The following FCMR variants were observed in gnomAD, a reference collection of about 807,000 sequenced individuals.
The protein encoded by FCMR is Fc mu receptor.
FCMR carries 34 observed loss-of-function variants against 41.6 expected under a neutral mutation model. The observed-to-expected ratio is 0.82, with a 90% CI of 0.62 to 1.09. The LOEUF (loss-of-function observed/expected upper bound fraction) is 1.09. Among genes scored for constraint, FCMR ranks in the 50% least tolerant of loss-of-function variants. FCMR has a pLI of 0.00. For missense variants in FCMR, 496 were observed against 512.5 expected (o/e 0.97, Z 0.31); for synonymous variants, 209 against 211.8 (o/e 0.99, Z 0.12).
chr1:206,903,899 A>T lies in FCMR; in HGVS notation c.*1120T>A, dbSNP rs1678503411. 1 of 152,408 alleles carries T rather than the reference A, an allele frequency of 6.6e-6. No individual in the cohort carries two copies. Among genetic ancestry groups the T allele is most frequent in the Admixed American group, 6.5e-5 (1 of 15,284 alleles). 9.4% of individuals were successfully genotyped at this position (152,408 alleles called of 1,614,324 possible). Reference sequence around the variant, plus strand: ...GACTTTCTTCTCTATTTCTGGATGAATGCCCAGTGAGACTGTGTTGTACAG... The same window carrying T: ...GACTTTCTTCTCTATTTCTGGATGATTGCCCAGTGAGACTGTGTTGTACAG... On this transcript the variant is annotated 3_prime_UTR_variant, in exon 8 of 8. Transcript: ENST00000367091.
intron 2 of FCMR, 99 bp from the exon 3 acceptor site, chr1:206,913,141 G>C (rs1204816269): frequency 3.3e-6 from 3 of 896,884 alleles, no homozygotes; most frequent in Non-Finnish European, 5.6e-6. Flanking sequence ...GACAGTGAGG[G>C]GATGAGGGCA....
At position 206,904,615 on chromosome 1, in the gene FCMR, C is replaced by G. The variant is rs553205901; in HGVS notation, c.*404G>C. On this transcript the variant is annotated 3_prime_UTR_variant, in exon 8 of 8. Transcript: ENST00000367091. The stretch of plus-strand genomic sequence containing the variant: ...CCTTCTATTTGTGTAAGACCCAACC[C>G]TGGGAAGGATGCCCGAGACAATAGC... The G allele has an allele frequency of 8.5e-5, 19 of 224,592 alleles. No homozygotes were observed. The highest frequency in any genetic ancestry group is 1.4e-4 in the Non-Finnish European group (15 of 110,708). 13.9% of individuals were successfully genotyped at this position (224,592 alleles called of 1,614,324 possible). A position where few individuals can be genotyped will look rare whatever the true frequency, so the allele number is the denominator to read the frequency against.
chr1:206,912,899 C>T, intron 3 of FCMR, 30 bp downstream of exon 3: 1 of 1,436,504 alleles, frequency 7.0e-7, no homozygotes, highest in Non-Finnish European at 9.8e-7. Flanking sequence ...ATCTCACCCA[C>T]CTCTCCTACC....
chr1:206,909,930 C>G lies in FCMR; in HGVS notation c.842-62G>C. The G allele has an allele frequency of 7.3e-7, 1 of 1,364,458 alleles. No individual in the cohort carries two copies. The highest frequency in any genetic ancestry group is 9.4e-7 in the Non-Finnish European group (1 of 1,059,502). 84.5% of individuals were successfully genotyped at this position (1,364,458 alleles called of 1,614,324 possible). A position where few individuals can be genotyped will look rare whatever the true frequency, so the allele number is the denominator to read the frequency against. On this transcript the variant is annotated intron_variant, in intron 5 of 7. Coordinates refer to ENST00000367091, the MANE Select transcript of FCMR (RefSeq NM_005449.5). The surrounding 1 kb of genome is among the most constrained non-coding windows in gnomAD (Gnocchi z 5.0). Reference sequence around the variant, plus strand: ...GCATCAGAGGCCCGTGCCACCCTCCCCAAACGAAAGGCTGCCTCCTCCCTC... The same window carrying G: ...GCATCAGAGGCCCGTGCCACCCTCCGCAAACGAAAGGCTGCCTCCTCCCTC...
intron 1 of FCMR, among the ~76,000 whole-genome samples, chr1:206,916,851 G>A (rs1308327075): frequency 2.0e-5 from 3 of 152,208 alleles, no homozygotes; most frequent in African/African-American, 7.2e-5. Context: ...TCTAGGGCAT[G>A]GTCTAGAAAT....
At chr1:206,914,832 G>A (rs747894131) in intron 1 of FCMR, among the ~76,000 whole-genome samples, 5 of 151,928 alleles carry the variant, frequency 3.3e-5, no homozygotes, top group East Asian at 3.9e-4. Flanking sequence ...ATGCCTTAGC[G>A]TTACCTTAAT....
chr1:206,915,895 T>A (rs116296633), intron 1 of FCMR, among the ~76,000 whole-genome samples: 282 of 146,134 alleles, frequency 1.9e-3, no homozygotes, highest in African/African-American at 6.8e-3. Context: ...AGGAAAGAGG[T>A]GGGGCTTGAG....
At chr1:206,916,745 C>T (rs566615334) in intron 1 of FCMR, among the ~76,000 whole-genome samples, 11 of 152,346 alleles carry the variant, frequency 7.2e-5, no homozygotes, top group Non-Finnish European at 1.2e-4. Flanking sequence ...CTGGTTTAGA[C>T]ATCTAAAGTA....
intron 7 of FCMR, among the ~76,000 whole-genome samples, chr1:206,906,762 G>A (rs1417627651): frequency 2.6e-5 from 4 of 151,890 alleles, no homozygotes; most frequent in African/African-American, 9.7e-5. Context: ...GCCCAGGTGA[G>A]GGTCTGTGTG....
intron 1 of FCMR, among the ~76,000 whole-genome samples, chr1:206,915,808 G>A (rs552128623): frequency 1.3e-5 from 2 of 152,252 alleles, no homozygotes; most frequent in East Asian, 1.9e-4. Flanking sequence ...ATTTGCAAAC[G>A]TACTGAGATT....
At chr1:206,910,095 A>G in intron 5 of FCMR, 115 bp downstream of exon 5, 1 of 1,272,006 alleles carries the variant, frequency 7.9e-7, no homozygotes, top group Non-Finnish European at 1.1e-6. Context: ...ACTTCCCTAC[A>G]CCCCAGGCTG....
rs1678542855 is a variant in FCMR, at chr1:206,904,699, T to A, written c.*320A>T. Reference sequence around the variant, plus strand: ...TAGAGCCTGGGCAGCAACAACCCTGTGGTCAAAGACATGGAAGAAACACTC... The same window carrying A: ...TAGAGCCTGGGCAGCAACAACCCTGAGGTCAAAGACATGGAAGAAACACTC... On this transcript the variant is annotated 3_prime_UTR_variant, in exon 8 of 8. Transcript: ENST00000367091. The A allele has an allele frequency of 3.1e-6, 1 of 319,818 alleles. No individual in the cohort carries two copies. Among genetic ancestry groups the A allele is most frequent in the African/African-American group, 2.1e-5 (1 of 46,832 alleles). 19.8% of individuals were successfully genotyped at this position (319,818 alleles called of 1,614,324 possible).
At chr1:206,908,091 G>T (rs1483221176) in intron 7 of FCMR, 20 of 1,139,996 alleles carry the variant, frequency 1.8e-5, no homozygotes, top group East Asian at 4.8e-5. Context: ...CCCTGGAGGA[G>T]AAGTGGAAGG....
Position 206,904,794 on chromosome 1 carries a change from C to T in FCMR, c.*225G>A, listed in dbSNP as rs1315741074. The T allele has an allele frequency of 9.2e-6, 5 of 545,818 alleles. No individual in the cohort carries two copies. The East Asian group carries it at 1.5e-4, about 17-fold the overall frequency. The allele number at this position is 545,818 out of a possible 1,614,324, so 33.8% of individuals were successfully genotyped here. The stretch of plus-strand genomic sequence containing the variant: ...GGCATTGGGACAATTGCTCTACATG[C>T]CTACAGCTTACCTGTCAACTACAGG... On this transcript the variant is annotated 3_prime_UTR_variant, in exon 8 of 8. Coordinates refer to ENST00000367091, the MANE Select transcript of FCMR (RefSeq NM_005449.5).
intron 4 of FCMR, 94 bp from the exon 5 acceptor site, chr1:206,910,434 G>T: frequency 1.9e-6 from 2 of 1,025,752 alleles, no homozygotes. Context: ...TTTTGGAGAT[G>T]ACTTACAGGT....
intron 1 of FCMR, among the ~76,000 whole-genome samples, chr1:206,919,615 G>A (rs752908558): frequency 2.0e-5 from 3 of 152,088 alleles, no homozygotes; most frequent in Non-Finnish European, 4.4e-5. Context: ...GTGGGATTAG[G>A]TGTGGGCTTG....
At chr1:206,916,932 T>C (rs1339780579) in intron 1 of FCMR, among the ~76,000 whole-genome samples, 2 of 152,180 alleles carry the variant, frequency 1.3e-5, no homozygotes, top group African/African-American at 2.4e-5. Flanking sequence ...CATTTACAAA[T>C]GATTCTGGGG....
rs1181948829 is a variant in FCMR, at chr1:206,909,216, T to C, written c.1044+246A>G. On this transcript the variant is annotated intron_variant, in intron 7 of 7. Transcript: ENST00000367091. The surrounding 1 kb of genome is among the most constrained non-coding windows in gnomAD (Gnocchi z 5.0). ...CTGCATCCAGCACGCAGGTATCCCG[T>C]GACAACTGCTTGGCTAGAAGCCACG... Among the ~76,000 whole-genome samples the C allele has an allele frequency of 6.6e-6, 1 of 152,174 alleles. No individual in the cohort carries two copies. The highest frequency in any genetic ancestry group is 1.5e-5 in the Non-Finnish European group (1 of 68,042).
chr1:206,905,695 T>TA (rs1046278178), intron 7 of FCMR, among the ~76,000 whole-genome samples: 2 of 152,160 alleles, frequency 1.3e-5, no homozygotes, highest in African/African-American at 4.8e-5. Flanking sequence ...CAGTCAGTTC[T>TA]CAAAAGACAG....
Sources: allele counts gnomAD v4.1 joint callset (sites outside exome capture counted in the v4.1 genomes callset), GRCh38; gene constraint gnomAD v4.1.1; non-coding constraint Gnocchi (gnomAD v3.1); transcripts MANE v1.5; gene names NCBI Gene and HGNC (gene_info 2026-07-23, HGNC 2026-07-21).